The following PTPRK variants were observed in gnomAD, a reference collection of about 807,000 sequenced individuals.
PTPRK encodes the protein receptor-type tyrosine-protein phosphatase kappa.
In PTPRK, 75 loss-of-function variants were observed where a neutral mutation model predicts 178.0. The ratio of observed to expected loss-of-function variants is 0.42; its 90% CI spans 0.35 to 0.51. PTPRK has a LOEUF of 0.51. PTPRK is among the 20% of genes least tolerant of loss of function. The pLI, the probability that PTPRK is intolerant of heterozygous loss-of-function variation, is 0.02. For missense variants in PTPRK, 1,441 were observed against 1,797.8 expected (o/e 0.80, Z 3.59); for synonymous variants, 637 against 620.6 (o/e 1.03, Z -0.39).
chr6:128,324,044 G>A (rs1366503023), intron 2 of PTPRK, among the ~76,000 whole-genome samples: 1 of 151,912 alleles, frequency 6.6e-6, no homozygotes, highest in Non-Finnish European at 1.5e-5. Flanking sequence ...TTTCAGATTT[G>A]CCACTGCATA....
At chr6:128,323,138 G>A (rs1255748218) in intron 2 of PTPRK, among the ~76,000 whole-genome samples, 1 of 152,048 alleles carries the variant, frequency 6.6e-6, no homozygotes, top group Non-Finnish European at 1.5e-5. Flanking sequence ...CTGTCATGAG[G>A]AGGCACAGGA....
chr6:127,981,846 G>C (rs1775375654), intron 24 of PTPRK, among the ~76,000 whole-genome samples: 1 of 151,932 alleles, frequency 6.6e-6, no homozygotes, highest in Non-Finnish European at 1.5e-5. Context: ...TATTATTTTT[G>C]AGACAGGGTC....
At chr6:128,405,415 A>G (rs1841535743) in intron 1 of PTPRK, among the ~76,000 whole-genome samples, 2 of 152,184 alleles carry the variant, frequency 1.3e-5, no homozygotes, top group Admixed American at 1.3e-4. Context: ...GAGTATATTT[A>G]CCCAAGTTTC....
At position 127,990,659 on chromosome 6, in the gene PTPRK, T is replaced by C. The variant is rs1776502862; in HGVS notation, c.3096+110A>G. ...CTCAAATAAACATTTGTGGAATGAA[T>C]ACATGAATGAATGGATTTTATAGCA... On this transcript the variant is annotated intron_variant, in intron 21 of 29. Transcript: ENST00000368226. The C allele has an allele frequency of 5.8e-6, 4 of 692,992 alleles. No homozygotes were observed. The East Asian group carries it at 7.7e-5, about 13-fold the overall frequency. 42.9% of individuals were successfully genotyped at this position (692,992 alleles called of 1,614,324 possible).
intron 2 of PTPRK, among the ~76,000 whole-genome samples, chr6:128,377,926 C>A (rs1439923229): frequency 6.6e-6 from 1 of 152,060 alleles, no homozygotes; most frequent in Admixed American, 6.6e-5. Flanking sequence ...CATTAGAATT[C>A]TTTCTTTCTT....
intron 5 of PTPRK, among the ~76,000 whole-genome samples, chr6:128,221,389 T>A (rs1810385492): frequency 1.3e-5 from 2 of 151,888 alleles, no homozygotes; most frequent in South Asian, 4.1e-4. Flanking sequence ...CCAGGCGCGG[T>A]GGCGGGTGCC....
At chr6:128,139,406 A>T (rs1360540326) in intron 7 of PTPRK, among the ~76,000 whole-genome samples, 1 of 152,048 alleles carries the variant, frequency 6.6e-6, no homozygotes, top group Non-Finnish European at 1.5e-5. Flanking sequence ...TCACTAATAT[A>T]AAATGAGTGA....
chr6:128,289,421 C>G (rs772173741), intron 3 of PTPRK, among the ~76,000 whole-genome samples: 16 of 152,114 alleles, frequency 1.1e-4, no homozygotes, highest in Admixed American at 5.2e-4. Context: ...TAAGTACAGT[C>G]TTAGTTCAAA....
intron 7 of PTPRK, among the ~76,000 whole-genome samples, chr6:128,096,392 G>C (rs1787906959): frequency 6.6e-6 from 1 of 152,058 alleles, no homozygotes; most frequent in Non-Finnish European, 1.5e-5. Context: ...ATTTAATTTT[G>C]TTTTTGGCAC....
chr6:128,142,497 TC>T (rs1423009688), intron 7 of PTPRK, among the ~76,000 whole-genome samples: 1 of 149,520 alleles, frequency 6.7e-6, no homozygotes, highest in African/African-American at 2.4e-5. Flanking sequence ...AAACAAATTC[TC>T]CCATGTGTGT....
At chr6:128,432,008 G>A (rs550376602) in intron 1 of PTPRK, among the ~76,000 whole-genome samples, 1 of 152,252 alleles carries the variant, frequency 6.6e-6, no homozygotes, top group East Asian at 1.9e-4. Context: ...GAAAAAAAGT[G>A]AGGGAAGAGA....
intron 3 of PTPRK, among the ~76,000 whole-genome samples, chr6:128,244,460 T>C (rs1274377867): frequency 1.3e-5 from 2 of 151,986 alleles, no homozygotes; most frequent in Non-Finnish European, 2.9e-5. Context: ...AAAGCCAACA[T>C]CGAATGGTTA....
chr6:128,455,626 T>C (rs1441352943), intron 1 of PTPRK, among the ~76,000 whole-genome samples: 1 of 152,164 alleles, frequency 6.6e-6, no homozygotes, highest in Non-Finnish European at 1.5e-5. Flanking sequence ...AGCAAGTTAG[T>C]GCCCATTTCT....
At chr6:128,495,449 C>G (rs1854512547) in intron 1 of PTPRK, among the ~76,000 whole-genome samples, 1 of 151,858 alleles carries the variant, frequency 6.6e-6, no homozygotes, top group Non-Finnish European at 1.5e-5. Flanking sequence ...CTCGTGGAGG[C>G]AAGAGCCTAA....
intron 1 of PTPRK, 29 bp downstream of exon 1, chr6:128,520,230 T>C (rs1858837766): frequency 6.4e-7 from 1 of 1,552,706 alleles, no homozygotes; most frequent in Non-Finnish European, 8.7e-7. Context: ...ACTCCAGGCG[T>C]TCGTCGGGGA....
chr6:128,206,340 A>G (rs1039239093), intron 6 of PTPRK, among the ~76,000 whole-genome samples: 66 of 151,402 alleles, frequency 4.4e-4, no homozygotes, highest in African/African-American at 1.5e-3. Flanking sequence ...ACACAGATTC[A>G]GCAAGAAGGC....
intron 4 of PTPRK, 150 bp downstream of exon 4, chr6:128,242,371 T>A (rs1332409917): frequency 2.0e-6 from 2 of 991,414 alleles, no homozygotes; most frequent in Non-Finnish European, 2.7e-6. Flanking sequence ...TAGAAAGATA[T>A]CAGTTTCCTT....
intron 7 of PTPRK, among the ~76,000 whole-genome samples, chr6:128,099,395 G>A (rs890593439): frequency 2.0e-5 from 3 of 151,706 alleles, no homozygotes; most frequent in East Asian, 1.9e-4. Context: ...AGACTATCTC[G>A]TGACATGGAG....
At chr6:128,231,588 G>C (rs560041932) in intron 5 of PTPRK, among the ~76,000 whole-genome samples, 31 of 152,090 alleles carry the variant, frequency 2.0e-4, no homozygotes, top group Non-Finnish European at 3.5e-4. Flanking sequence ...TGACACCTGG[G>C]CCACTCAGAG....
Sources: gnomAD v4.1 joint callset for allele counts (sites outside exome capture counted in the v4.1 genomes callset) on GRCh38, gnomAD v4.1.1 for gene constraint, MANE v1.5 for transcripts, NCBI Gene and HGNC (gene_info 2026-07-23, HGNC 2026-07-21) for gene names.